Variants in RBSN observed in about 807,000 individuals in gnomAD.
RBSN encodes the protein rabenosyn-5.
RBSN carries 34 observed loss-of-function variants against 60.5 expected under a neutral mutation model. That is an observed-to-expected ratio of 0.56 (90% CI 0.43 to 0.75). The LOEUF (loss-of-function observed/expected upper bound fraction) is 0.75, where lower values mean the gene tolerates loss of function less well. Among genes scored for constraint, RBSN ranks in the 30% least tolerant of loss-of-function variants. RBSN has a pLI of 0.00. For synonymous variants in RBSN, 322 were observed against 366.9 expected, an observed-to-expected ratio of 0.88 and a Z score of 1.40; for missense variants, 845 against 986.8, an observed-to-expected ratio of 0.86 and a Z score of 1.92.
chr3:15,073,894 G>GC lies in RBSN; in HGVS notation c.2242dup (p.Ala748GlyfsTer5). On this transcript the variant is annotated frameshift_variant, in exon 14 of 14. Coordinates refer to ENST00000253699, the MANE Select transcript of RBSN (RefSeq NM_022340.4). LOFTEE classifies it high-confidence loss of function. ...GCACTGCTTGGCATCAAAGATGTAT[G>GC]CCTTGATGTTATCGATCTGCTGCAG... is the stretch of plus-strand genomic sequence containing the variant. 6.2e-7 allele frequency: 1 copy of GC among 1,614,096 alleles called. No homozygotes were observed. The highest frequency in any genetic ancestry group is 1.1e-5 in the South Asian group (1 of 91,066).
At chr3:15,095,729 C>G in intron 4 of RBSN, 1 of 567,016 alleles carries the variant, frequency 1.8e-6, no homozygotes, top group East Asian at 2.9e-5. Flanking sequence ...TGGCTTCAGA[C>G]AAGTTATCTA....
chr3:15,089,681 G>C lies in RBSN; in HGVS notation c.289+718C>G, dbSNP rs1208135186. 2.0e-5 allele frequency among the ~76,000 whole-genome samples: 3 copies of C among 151,190 alleles called. No homozygotes were observed. In the East Asian group the frequency reaches 5.8e-4, roughly 29 times the overall value. On this transcript the variant is annotated intron_variant, in intron 5 of 13. Transcript: ENST00000253699. ...GCTGGAGTGCAGTGGCACGATCTCA[G>C]CTCACTGCAAGCTCTGCTTCCTGGG...
intron 2 of RBSN, 25 bp downstream of exon 2, chr3:15,098,094 C>G (rs1042223102): frequency 6.6e-6 from 1 of 152,508 alleles, no homozygotes; most frequent in African/African-American, 2.4e-5. Flanking sequence ...CCAAACCTCA[C>G]TTCCTCAAAA....
At chr3:15,078,703 T>A (rs1368564545) in intron 10 of RBSN, among the ~76,000 whole-genome samples, 1 of 137,298 alleles carries the variant, frequency 7.3e-6, no homozygotes, top group Non-Finnish European at 1.5e-5. Flanking sequence ...GAGGTTGCAG[T>A]GGGCTAAGGT....
intron 13 of RBSN, chr3:15,075,287 T>A: frequency 1.6e-6 from 1 of 608,774 alleles, no homozygotes; most frequent in Non-Finnish European, 3.0e-6. Flanking sequence ...ATATTGCATA[T>A]ACCGATATGT....
At position 15,075,625 on chromosome 3, in the gene RBSN, T is replaced by C. The variant is rs778546079; in HGVS notation, c.1187A>G (p.Lys396Arg). 20 of 1,614,052 alleles carry C rather than the reference T, an allele frequency of 1.2e-5. No individual in the cohort carries two copies. The highest frequency in any genetic ancestry group is 1.6e-5 in the Non-Finnish European group (19 of 1,180,016). ...KKKRKEEMERKRAVERQAALE... is the reference protein window; with the variant it reads ...KKKRKEEMERRRAVERQAALE... ...ACTCACTTGTCTCTCCACGGCCCTC[T>C]TCCTCTCCATTTCCTCCTTCCTTTT... The change falls in exon 13 of 14, where the codon AAG becomes AGG. Residue 396 changes from lysine (K) to arginine (R), a missense_variant. By Grantham distance (26) the Lys-to-Arg change is conservative (BLOSUM62 2). Coordinates refer to ENST00000253699, the MANE Select transcript of RBSN (RefSeq NM_022340.4).
intron 10 of RBSN, among the ~76,000 whole-genome samples, chr3:15,079,564 A>C (rs1332746084): frequency 6.6e-6 from 1 of 152,276 alleles, no homozygotes. Flanking sequence ...TGATGGATAA[A>C]CAAAATGTGA....
intron 4 of RBSN, chr3:15,095,740 ATCTC>A (rs1458706635): frequency 1.7e-6 from 1 of 578,062 alleles, no homozygotes; most frequent in African/African-American, 1.9e-5. Flanking sequence ...AAGTTATCTA[ATCTC>A]TCTGTGTCTG....
At chr3:15,075,743 AC>A in intron 12 of RBSN, 33 bp from the exon 13 acceptor site, 2 of 1,569,804 alleles carry the variant, frequency 1.3e-6, no homozygotes, top group Admixed American at 3.3e-5. Context: ...TTACACTTAA[AC>A]CCTTTTAGAG....
intron 10 of RBSN, among the ~76,000 whole-genome samples, chr3:15,080,245 G>GAAA (rs534543298): frequency 1.7e-5 from 2 of 119,560 alleles, no homozygotes; most frequent in African/African-American, 3.1e-5. Flanking sequence ...CTCCGTCTCG[G>GAAA]AAAAAAAAAA....
rs1183183229 is a variant in RBSN, at chr3:15,090,478, T to C, written c.210A>G (p.Arg70=). 6.2e-7 allele frequency: 1 copy of C among 1,614,116 alleles called. No individual in the cohort carries two copies. Among genetic ancestry groups the C allele is most frequent in the East Asian group, 2.2e-5 (1 of 44,902 alleles). ...DRLLKREGDD[R]AESGTQGYES... is the part of the protein sequence containing the mutation. Reference sequence around the variant, plus strand: ...CATATCCTTGGGTCCCTGACTCTGCTCGATCATCCCCTTCTCGTTTCAACA... The same window carrying C: ...CATATCCTTGGGTCCCTGACTCTGCCCGATCATCCCCTTCTCGTTTCAACA... The change falls in exon 5 of 14, where the codon CGA becomes CGG. Residue 70 remains arginine, a synonymous_variant. Transcript: ENST00000253699.
intron 2 of RBSN, among the ~76,000 whole-genome samples, chr3:15,097,854 C>T (rs2043704001): frequency 6.6e-6 from 1 of 152,116 alleles, no homozygotes; most frequent in Admixed American, 6.5e-5. Context: ...ACAAATGAGA[C>T]ACCAGGTCCC....
rs2043750479 is a variant in RBSN, at chr3:15,099,022, C to T, written c.-501+13G>A. On this transcript the variant is annotated intron_variant, in intron 1 of 13. Coordinates refer to ENST00000253699, the MANE Select transcript of RBSN (RefSeq NM_022340.4). ...CCCCGCCCCCCAGACTGGGCCTGAC[C>T]CTCTGTATGTACCCTGCCGGGCTCC... is the stretch of plus-strand genomic sequence containing the variant. The T allele has an allele frequency of 6.6e-6, 1 of 152,562 alleles. No individual in the cohort carries two copies. Among genetic ancestry groups the T allele is most frequent in the Non-Finnish European group, 1.5e-5 (1 of 68,294 alleles). The allele number at this position is 152,562 out of a possible 1,614,324, so 9.5% of individuals were successfully genotyped here. A position where few individuals can be genotyped will look rare whatever the true frequency, so the allele number is the denominator to read the frequency against.
rs1201875895 is a variant in RBSN at position 15,071,573 on chromosome 3, T to C, written c.*2209A>G. On this transcript the variant is annotated 3_prime_UTR_variant, in exon 14 of 14. Coordinates refer to ENST00000253699, the MANE Select transcript of RBSN (RefSeq NM_022340.4). ...ACTCATATGGCTGTTTGTGAACAGA[T>C]CCCAAATGCAAAGCGTCCTTCACAC... The C allele has an allele frequency of 1.3e-5, 2 of 152,182 alleles. No homozygotes were observed. The highest frequency in any genetic ancestry group is 2.9e-5 in the Non-Finnish European group (2 of 68,036). The allele number at this position is 152,182 out of a possible 1,614,324, so 9.4% of individuals were successfully genotyped here.
At chr3:15,097,938 G>A (rs567923247) in intron 2 of RBSN, among the ~76,000 whole-genome samples, 181 bp downstream of exon 2, 1 of 152,180 alleles carries the variant, frequency 6.6e-6, no homozygotes, top group Admixed American at 6.5e-5. Context: ...CCTAGGTCTG[G>A]CCTGTTCCCT....
rs1190982952 is a variant in RBSN at position 15,096,299 on chromosome 3, AAAG to A, written c.-168-14_-168-12del. 18 of 590,130 alleles carry A rather than the reference AAAG, an allele frequency of 3.1e-5. No individual in the cohort carries two copies. The highest frequency in any genetic ancestry group is 1.1e-4 in the African/African-American group (6 of 52,576). The allele number at this position is 590,130 out of a possible 1,614,324, so 36.6% of individuals were successfully genotyped here. A position where few individuals can be genotyped will look rare whatever the true frequency, so the allele number is the denominator to read the frequency against. Reference sequence around the variant, plus strand: ...GGAGTAGGAGGAGCCCTAAGAAAGAAAAGAAGAAGGGAAAAAAGCCAATTCAGG... The same window carrying A: ...GGAGTAGGAGGAGCCCTAAGAAAGAAAAGAAGGGAAAAAAGCCAATTCAGG... On this transcript the variant is annotated splice_polypyrimidine_tract_variant and intron_variant, in intron 3 of 13. Transcript: ENST00000253699.
chr3:15,096,310 G>A, intron 3 of RBSN, 22 bp from the exon 4 acceptor site: 4 of 528,604 alleles, frequency 7.6e-6, no homozygotes, highest in East Asian at 3.3e-5. Flanking sequence ...AAGAAGAAGG[G>A]AAAAAAGCCA....
At chr3:15,097,926 G>T (rs1248353244) in intron 2 of RBSN, among the ~76,000 whole-genome samples, 193 bp downstream of exon 2, 1 of 152,118 alleles carries the variant, frequency 6.6e-6, no homozygotes, top group Admixed American at 6.5e-5. Context: ...GAATATAGCA[G>T]CCCTAGGTCT....
chr3:15,089,229 G>A (rs992178381), intron 5 of RBSN, among the ~76,000 whole-genome samples: 1 of 152,028 alleles, frequency 6.6e-6, no homozygotes, highest in Non-Finnish European at 1.5e-5. Flanking sequence ...ACTCTGGGAG[G>A]CTGAGATGGG....
Sources: allele counts gnomAD v4.1 joint callset (sites outside exome capture counted in the v4.1 genomes callset), GRCh38; gene constraint gnomAD v4.1.1; transcripts MANE v1.5; gene names NCBI Gene and HGNC (gene_info 2026-07-23, HGNC 2026-07-21).